The following SAMD5 variants were observed in gnomAD, a reference collection of about 807,000 sequenced individuals.
The protein encoded by SAMD5 is sterile alpha motif domain containing 5.
In SAMD5, 13 loss-of-function variants were observed where a neutral mutation model predicts 11.3. That is an observed-to-expected ratio of 1.15 (90% confidence interval 0.75 to 1.83). The LOEUF (loss-of-function observed/expected upper bound fraction) is 1.83. SAMD5 is among the 40% of genes most tolerant of loss of function. SAMD5 has a pLI of 0.00. For synonymous variants in SAMD5, 129 were observed against 111.3 expected (o/e 1.16, Z -1.00); for missense variants, 255 against 239.1 (o/e 1.07, Z -0.44).
chr6:147,937,854 CTTAAAAATCAAGAT>C, the SAMD5 span, among the ~76,000 whole-genome samples: 1 of 151,890 alleles, frequency 6.6e-6, no homozygotes, highest in Non-Finnish European at 1.5e-5. Context: ...AGGTGCTTGC[CTTAAAAATCAAGAT>C]TTAAAAATCA....
the SAMD5 span, among the ~76,000 whole-genome samples, chr6:147,932,588 TTGTGTGTGTGTGTG>T: frequency 0.073 from 9,596 of 131,158 alleles, 529 homozygotes; most frequent in South Asian, 0.25. Flanking sequence ...TCTTACAGAA[TTGTGTGTGTGTGTG>T]TGTGTGTGTG....
chr6:147,603,476 G>C (rs1258722361), intron 1 of SAMD5, among the ~76,000 whole-genome samples: 1 of 152,084 alleles, frequency 6.6e-6, no homozygotes, highest in African/African-American at 2.4e-5. Context: ...AAACTACAGG[G>C]ATCAGTGCTT....
the SAMD5 span, among the ~76,000 whole-genome samples, chr6:147,832,833 T>C: frequency 6.6e-6 from 1 of 152,292 alleles, no homozygotes; most frequent in African/African-American, 2.4e-5. Flanking sequence ...TCCTATTTTG[T>C]AAAAGAATTT....
chr6:147,850,491 C>T, the SAMD5 span, among the ~76,000 whole-genome samples: 3 of 152,220 alleles, frequency 2.0e-5, no homozygotes, highest in South Asian at 6.2e-4. Flanking sequence ...AGGAGAAATA[C>T]AGCAGTAATA....
intron 1 of SAMD5, among the ~76,000 whole-genome samples, chr6:147,641,984 T>C (rs1320179097): frequency 6.6e-6 from 1 of 152,236 alleles, no homozygotes; most frequent in Non-Finnish European, 1.5e-5. Context: ...GATGTTTGAT[T>C]TATTTTCCTA....
intron 1 of SAMD5, among the ~76,000 whole-genome samples, chr6:147,527,055 C>G (rs1788353890): frequency 6.6e-6 from 1 of 152,206 alleles, no homozygotes; most frequent in Non-Finnish European, 1.5e-5. Flanking sequence ...TGTATCCCAC[C>G]TTATCCTCCA....
the SAMD5 span, among the ~76,000 whole-genome samples, chr6:147,796,821 T>G: frequency 6.6e-6 from 1 of 151,116 alleles, no homozygotes; most frequent in Admixed American, 6.6e-5. Flanking sequence ...TTTATTCTCT[T>G]TGAAGCAATT....
the SAMD5 span, among the ~76,000 whole-genome samples, chr6:147,940,714 G>T: frequency 2.0e-5 from 3 of 152,194 alleles, no homozygotes; most frequent in Non-Finnish European, 4.4e-5. Context: ...TAGAATCCCA[G>T]TACTTTGGGA....
At chr6:147,551,825 T>TATATATATATA (rs1788779565) in intron 1 of SAMD5, among the ~76,000 whole-genome samples, 2 of 146,412 alleles carry the variant, frequency 1.4e-5, no homozygotes, top group African/African-American at 5.0e-5. Context: ...TATATATATA[T>TATATATATATA]ATATATATAT....
chr6:147,727,688 G>T (rs1562361382), intron 1 of SAMD5, among the ~76,000 whole-genome samples: 1 of 150,876 alleles, frequency 6.6e-6, no homozygotes, highest in Non-Finnish European at 1.5e-5. Context: ...TCCCCAGATT[G>T]GTCTGCTGAA....
At chr6:147,930,907 G>A in the SAMD5 span, among the ~76,000 whole-genome samples, 1 of 152,288 alleles carries the variant, frequency 6.6e-6, no homozygotes, top group South Asian at 2.1e-4. Context: ...CCACGCTGAG[G>A]GCAGGTCTTC....
At chr6:147,843,541 TCTTGA>T in the SAMD5 span, among the ~76,000 whole-genome samples, 1 of 152,112 alleles carries the variant, frequency 6.6e-6, no homozygotes, top group Non-Finnish European at 1.5e-5. Flanking sequence ...GTCAAAGCCA[TCTTGA>T]CCAAAAGGGA....
chr6:147,849,030 T>C, the SAMD5 span, among the ~76,000 whole-genome samples: 199 of 152,346 alleles, frequency 1.3e-3, no homozygotes, highest in African/African-American at 4.5e-3. Flanking sequence ...AACTCTGCTG[T>C]TGTGGTTTAA....
chr6:147,840,347 C>A, the SAMD5 span, among the ~76,000 whole-genome samples: 1 of 152,230 alleles, frequency 6.6e-6, no homozygotes, highest in Non-Finnish European at 1.5e-5. Context: ...CTTTTAGGAG[C>A]AGTTGCATAT....
chr6:147,842,026 A>T, the SAMD5 span, among the ~76,000 whole-genome samples: 5 of 152,194 alleles, frequency 3.3e-5, no homozygotes, highest in Non-Finnish European at 7.3e-5. Flanking sequence ...TCAAAATAGG[A>T]CAACCTTGTG....
intron 1 of SAMD5, among the ~76,000 whole-genome samples, chr6:147,717,057 C>T (rs1263212595): frequency 1.3e-5 from 2 of 152,212 alleles, no homozygotes; most frequent in African/African-American, 4.8e-5. Flanking sequence ...CCAGTGACTT[C>T]CACTGCACTT....
intron 1 of SAMD5, among the ~76,000 whole-genome samples, chr6:147,526,950 A>T (rs749513967): frequency 1.1e-4 from 17 of 152,184 alleles, no homozygotes; most frequent in Non-Finnish European, 2.5e-4. Flanking sequence ...CTGTTTATTT[A>T]ATGAAGCTCC....
intron 1 of SAMD5, among the ~76,000 whole-genome samples, chr6:147,722,321 C>T (rs60864074): frequency 1.9e-4 from 29 of 151,848 alleles, no homozygotes; most frequent in African/African-American, 6.0e-4. Context: ...TATATAGATG[C>T]GCATTCACAG....
chr6:147,813,789 A>G, the SAMD5 span, among the ~76,000 whole-genome samples: 1 of 152,126 alleles, frequency 6.6e-6, no homozygotes, highest in South Asian at 2.1e-4. Context: ...GGCAGGAGTA[A>G]CTCTTTGGAC....
Sources: gnomAD v4.1 joint callset for allele counts (sites outside exome capture counted in the v4.1 genomes callset) on GRCh38, gnomAD v4.1.1 for gene constraint, MANE v1.5 for transcripts, NCBI Gene and HGNC (gene_info 2026-07-23, HGNC 2026-07-21) for gene names.